ANKRD33B: variants seen among roughly 807,000 people sequenced by gnomAD.
ANKRD33B encodes the protein ankyrin repeat domain 33B.
ANKRD33B carries 6 observed loss-of-function variants against 21.5 expected under a neutral mutation model. The observed-to-expected ratio is 0.28, with a 90% CI of 0.15 to 0.55. The LOEUF (loss-of-function observed/expected upper bound fraction) is 0.55. ANKRD33B is among the 20% of genes least tolerant of loss of function. The probability of loss-of-function intolerance (pLI) is 0.94; values close to 1 mark genes in which losing one functional copy is unlikely to be tolerated. For missense variants in ANKRD33B, 698 were observed against 747.2 expected, an observed-to-expected ratio of 0.93 and a Z score of 0.77; for synonymous variants, 347 against 342.4, an observed-to-expected ratio of 1.01 and a Z score of -0.15.
chr5:10,608,837 C>T lies in ANKRD33B; in HGVS notation c.367-9496C>T, dbSNP rs1268347696. Among the ~76,000 whole-genome samples the T allele has an allele frequency of 2.6e-5, 4 of 152,240 alleles. 1 individual carries two copies. The highest frequency in any genetic ancestry group is 7.2e-5 in the African/African-American group (3 of 41,540). The stretch of plus-strand genomic sequence containing the variant: ...ATGGTAAATGAAAAACAAGTGGTGT[C>T]GAGAAAACAATCGCAACACCCTTGA... On this transcript the variant is annotated intron_variant, in intron 1 of 3. Coordinates refer to ENST00000296657, the MANE Select transcript of ANKRD33B (RefSeq NM_001164440.2).
chr5:10,622,772 C>A lies in ANKRD33B; in HGVS notation c.496+4310C>A, dbSNP rs146260963. ...TGAATCTCACTGTCTTTACAGTGAT[C>A]CAGGGTTGTTTTTTGTTTTTGCTTT... On this transcript the variant is annotated intron_variant, in intron 2 of 3. Transcript: ENST00000296657. Among the ~76,000 whole-genome samples, 77 of 149,988 alleles carry A rather than the reference C, an allele frequency of 5.1e-4. No individual in the cohort carries two copies. In the East Asian group the frequency reaches 0.015, roughly 29 times the overall value.
chr5:10,585,199 C>T (rs1223936522), intron 1 of ANKRD33B, among the ~76,000 whole-genome samples: 1 of 151,946 alleles, frequency 6.6e-6, no homozygotes. Flanking sequence ...GTTTGGTCCT[C>T]TTTGAAGTGG....
intron 2 of ANKRD33B, among the ~76,000 whole-genome samples, chr5:10,620,688 A>G (rs1386825434): frequency 6.6e-6 from 1 of 152,204 alleles, no homozygotes; most frequent in Non-Finnish European, 1.5e-5. Flanking sequence ...CAGAGTCAGG[A>G]GCACATCGTA....
chr5:10,581,056 C>T (rs1051587014), intron 1 of ANKRD33B, among the ~76,000 whole-genome samples: 2 of 152,164 alleles, frequency 1.3e-5, no homozygotes, highest in Non-Finnish European at 2.9e-5. Context: ...CCCTTGCCAG[C>T]CCAGGGCTTC....
In ANKRD33B at chr5:10,654,801, G is replaced by A. The variant is rs1469329102; in HGVS notation, c.*4688G>A. 6.6e-6 allele frequency: 1 copy of A among 152,620 alleles called. No individual in the cohort carries two copies. The highest frequency in any genetic ancestry group is 1.5e-5 in the Non-Finnish European group (1 of 68,086). 9.5% of individuals were successfully genotyped at this position (152,620 alleles called of 1,614,324 possible). On this transcript the variant is annotated 3_prime_UTR_variant, in exon 4 of 4. Transcript: ENST00000296657. ...TGACGTTGGAGCACGTGAACTAAGA[G>A]TGACAATTTTTTCTACTTGCTTCTG... is the stretch of plus-strand genomic sequence containing the variant.
At chr5:10,582,815 C>T (rs1735471728) in intron 1 of ANKRD33B, among the ~76,000 whole-genome samples, 1 of 152,186 alleles carries the variant, frequency 6.6e-6, no homozygotes, top group Non-Finnish European at 1.5e-5. Flanking sequence ...GGACCCTCAT[C>T]GCAGTTCGCA....
At chr5:10,566,590 G>A (rs1735068457) in intron 1 of ANKRD33B, among the ~76,000 whole-genome samples, 2 of 152,202 alleles carry the variant, frequency 1.3e-5, no homozygotes, top group African/African-American at 4.8e-5. Flanking sequence ...GCACCACTGG[G>A]CTCAGCTTTA....
chr5:10,620,290 G>A (rs898890508), intron 2 of ANKRD33B, among the ~76,000 whole-genome samples: 4 of 152,174 alleles, frequency 2.6e-5, no homozygotes, highest in African/African-American at 9.6e-5. Context: ...TTTGGGACAG[G>A]GGATAACACC....
chr5:10,638,451 C>A (rs1246877449), intron 3 of ANKRD33B, among the ~76,000 whole-genome samples: 2 of 152,222 alleles, frequency 1.3e-5, no homozygotes, highest in African/African-American at 2.4e-5. Context: ...CGTTCTACAC[C>A]CCAAGTCCTG....
At chr5:10,637,726 G>A (rs1010329782) in intron 2 of ANKRD33B, among the ~76,000 whole-genome samples, 3 of 152,046 alleles carry the variant, frequency 2.0e-5, no homozygotes, top group South Asian at 2.1e-4. Context: ...TGCCCGCAGC[G>A]TCCCTGCCCC....
In ANKRD33B at chr5:10,564,187, G is replaced by T; in HGVS notation, c.-281G>T. 1 of 154,078 alleles carries T rather than the reference G, an allele frequency of 6.5e-6. No homozygotes were observed. Among genetic ancestry groups the T allele is most frequent in the East Asian group, 1.9e-4 (1 of 5,224 alleles). 9.5% of individuals were successfully genotyped at this position (154,078 alleles called of 1,614,324 possible). A position where few individuals can be genotyped will look rare whatever the true frequency, so the allele number is the denominator to read the frequency against. The stretch of plus-strand genomic sequence containing the variant: ...CTGGCTCTGAACTCTGGCCAGGAAG[G>T]GGCGCGAGGGGAAGGCCCCGGGGGA... On this transcript the variant is annotated 5_prime_UTR_variant, in exon 1 of 4. Transcript: ENST00000296657.
chr5:10,640,203 C>G (rs1737011930), intron 3 of ANKRD33B, among the ~76,000 whole-genome samples: 1 of 152,152 alleles, frequency 6.6e-6, no homozygotes, highest in South Asian at 2.1e-4. Context: ...CGTGGTATTG[C>G]ATGGTGATGT....
chr5:10,574,867 G>A (rs1735282817), intron 1 of ANKRD33B, among the ~76,000 whole-genome samples: 1 of 11,796 alleles, frequency 8.5e-5, no homozygotes, highest in African/African-American at 1.1e-4. Context: ...GCTGCTTAAG[G>A]CCAGGTGCTC....
Position 10,649,989 on chromosome 5 carries a change from A to G in ANKRD33B, c.1361A>G (p.Gln454Arg). Residue 454 changes from glutamine (Q) to arginine (R), a missense_variant, in exon 4 of 4, where the codon CAG (glutamine) becomes CGG (arginine). Physicochemically the swap from Gln to Arg is conservative, Grantham distance 43. Transcript: ENST00000296657. ...KGSTKDSGHL[Q>R]IPKWRYKEAK... ...AGCACCAAGGACAGCGGCCACCTGC[A>G]GATCCCCAAGTGGCGGTACAAGGAG... The G allele has an allele frequency of 9.8e-6, 15 of 1,533,602 alleles. No homozygotes were observed. The highest frequency in any genetic ancestry group is 2.5e-5 in the East Asian group (1 of 40,704). 95.0% of individuals were successfully genotyped at this position (1,533,602 alleles called of 1,614,324 possible). A position where few individuals can be genotyped will look rare whatever the true frequency, so the allele number is the denominator to read the frequency against.
rs114910536 is a variant in ANKRD33B at position 10,622,152 on chromosome 5, G to A, written c.496+3690G>A. On this transcript the variant is annotated intron_variant, in intron 2 of 3. Coordinates refer to ENST00000296657, the MANE Select transcript of ANKRD33B (RefSeq NM_001164440.2). ...CCAGATACAATGCAATTGCCTTGCT[G>A]TGGACAATCAGTTTTACAGCTTAAC... Among the ~76,000 whole-genome samples, 566 of 152,364 alleles carry A rather than the reference G, an allele frequency of 3.7e-3. 2 individuals carry two copies. Among genetic ancestry groups the A allele is most frequent in the African/African-American group, 0.013 (555 of 41,582 alleles).
chr5:10,596,299 A>G (rs1198723485), intron 1 of ANKRD33B, among the ~76,000 whole-genome samples: 4 of 152,184 alleles, frequency 2.6e-5, no homozygotes, highest in South Asian at 2.1e-4. Flanking sequence ...TTCTTTAGCT[A>G]TTCTTCCTGA....
At chr5:10,608,959 C>T (rs1265331077) in intron 1 of ANKRD33B, among the ~76,000 whole-genome samples, 2 of 152,218 alleles carry the variant, frequency 1.3e-5, no homozygotes, top group African/African-American at 4.8e-5. Flanking sequence ...CCAGGGCCTC[C>T]TTTGCCACAT....
At chr5:10,584,596 A>G (rs1415613842) in intron 1 of ANKRD33B, among the ~76,000 whole-genome samples, 1 of 152,174 alleles carries the variant, frequency 6.6e-6, no homozygotes, top group Non-Finnish European at 1.5e-5. Context: ...GCATTAAATA[A>G]GCCTCTTGAT....
chr5:10,623,115 C>T (rs1411175268), intron 2 of ANKRD33B, among the ~76,000 whole-genome samples: 2 of 152,140 alleles, frequency 1.3e-5, no homozygotes, highest in Non-Finnish European at 2.9e-5. Context: ...CCACCCTTTG[C>T]CTGGTGGGAC....
Sources: gnomAD v4.1 joint callset for allele counts (sites outside exome capture counted in the v4.1 genomes callset) on GRCh38, gnomAD v4.1.1 for gene constraint, MANE v1.5 for transcripts, NCBI Gene and HGNC (gene_info 2026-07-23, HGNC 2026-07-21) for gene names.